The following SNTB2 variants were observed in gnomAD, a reference collection of about 807,000 sequenced individuals.
The protein encoded by SNTB2 is syntrophin beta 2, also known as beta-2-syntrophin.
Under a neutral mutation model 46.2 loss-of-function variants are expected in SNTB2, and 34 were observed. The observed-to-expected ratio is 0.74, with a 90% CI of 0.56 to 0.98. The LOEUF is 0.98. Among genes scored for constraint, SNTB2 ranks in the 50% least tolerant of loss-of-function variants. The pLI is 0.00. For missense variants in SNTB2, 603 were observed against 731.4 expected (o/e 0.82, Z 2.02); for synonymous variants, 290 against 312.6 (o/e 0.93, Z 0.76).
intron 2 of SNTB2, among the ~76,000 whole-genome samples, chr16:69,259,054 G>C (rs1964807259): frequency 6.6e-6 from 1 of 151,948 alleles, no homozygotes; most frequent in African/African-American, 2.4e-5. Flanking sequence ...GTGCCTATGT[G>C]GTTCAGCAAG....
At chr16:69,252,335 T>C (rs949388519) in intron 2 of SNTB2, among the ~76,000 whole-genome samples, 15 of 152,182 alleles carry the variant, frequency 9.9e-5, no homozygotes, top group African/African-American at 3.1e-4. Flanking sequence ...CTGGTAATTA[T>C]ACGTATTTCA....
intron 1 of SNTB2, among the ~76,000 whole-genome samples, chr16:69,237,064 A>G (rs1249535028): frequency 6.6e-6 from 1 of 152,172 alleles, no homozygotes; most frequent in African/African-American, 2.4e-5. Context: ...TTGTTTGGAT[A>G]TGTTGAATCT....
At chr16:69,206,427 C>T (rs976657263) in intron 1 of SNTB2, among the ~76,000 whole-genome samples, 2 of 152,042 alleles carry the variant, frequency 1.3e-5, no homozygotes, top group Admixed American at 6.5e-5. Flanking sequence ...CTAGGCCAGG[C>T]GCGGTGGCTC....
At chr16:69,231,294 A>G (rs1964503623) in intron 1 of SNTB2, among the ~76,000 whole-genome samples, 1 of 152,154 alleles carries the variant, frequency 6.6e-6, no homozygotes, top group South Asian at 2.1e-4. Flanking sequence ...TTGACTTTTA[A>G]AAAAGATGTG....
At chr16:69,213,391 A>C (rs1964308963) in intron 1 of SNTB2, among the ~76,000 whole-genome samples, 1 of 152,142 alleles carries the variant, frequency 6.6e-6, no homozygotes, top group African/African-American at 2.4e-5. Context: ...CAGTGGGTTG[A>C]TAATTGTCCA....
chr16:69,300,778 A>G, intron 6 of SNTB2, 54 bp from the exon 7 acceptor site: 1 of 1,131,170 alleles, frequency 8.8e-7, no homozygotes, highest in Non-Finnish European at 1.3e-6. Flanking sequence ...TTCGTTTATT[A>G]AGTTGTCTGT....
At chr16:69,286,871 G>A (rs1398369179) in intron 5 of SNTB2, among the ~76,000 whole-genome samples, 7 of 152,108 alleles carry the variant, frequency 4.6e-5, no homozygotes, top group Admixed American at 3.3e-4. Context: ...AACATAGTGA[G>A]ACCTTGTCTC....
At chr16:69,292,214 G>A (rs1036043520) in intron 5 of SNTB2, among the ~76,000 whole-genome samples, 1 of 149,834 alleles carries the variant, frequency 6.7e-6, no homozygotes, top group Admixed American at 6.7e-5. Context: ...TCCAGCCTGG[G>A]CGACAGAGCG....
intron 5 of SNTB2, among the ~76,000 whole-genome samples, chr16:69,292,835 T>G (rs1465247172): frequency 6.6e-6 from 1 of 151,946 alleles, no homozygotes; most frequent in African/African-American, 2.4e-5. Flanking sequence ...TAAATTACTA[T>G]CGGGGAGCTT....
chr16:69,206,662 G>T (rs575520036), intron 1 of SNTB2, among the ~76,000 whole-genome samples: 6 of 149,268 alleles, frequency 4.0e-5, no homozygotes, highest in Admixed American at 1.3e-4. Context: ...TTGCACTCCA[G>T]CCTGGGCAAC....
At chr16:69,246,994 T>C (rs1307560624) in intron 2 of SNTB2, among the ~76,000 whole-genome samples, 1 of 150,272 alleles carries the variant, frequency 6.7e-6, no homozygotes, top group African/African-American at 2.4e-5. Flanking sequence ...CACATGTATA[T>C]ATATGTAACT....
At chr16:69,250,960 G>C (rs979662631) in intron 2 of SNTB2, among the ~76,000 whole-genome samples, 5 of 151,460 alleles carry the variant, frequency 3.3e-5, no homozygotes, top group African/African-American at 1.2e-4. Context: ...TCTGTTAAAG[G>C]AAATATCCAT....
intron 2 of SNTB2, among the ~76,000 whole-genome samples, chr16:69,246,828 C>T (rs1434872114): frequency 2.1e-5 from 3 of 142,320 alleles, no homozygotes; most frequent in Non-Finnish European, 4.5e-5. Flanking sequence ...ATTTCTCACT[C>T]ATAGGTGGGA....
chr16:69,288,230 T>C (rs1965124722), intron 5 of SNTB2, among the ~76,000 whole-genome samples: 1 of 152,104 alleles, frequency 6.6e-6, no homozygotes, highest in Non-Finnish European at 1.5e-5. Flanking sequence ...GCAACTTGGA[T>C]TTTCAGCATT....
intron 5 of SNTB2, among the ~76,000 whole-genome samples, chr16:69,294,551 C>G (rs1186113221): frequency 6.6e-6 from 1 of 151,274 alleles, no homozygotes; most frequent in East Asian, 2.0e-4. Flanking sequence ...TGGCAAAACC[C>G]TATCTCTACT....
intron 5 of SNTB2, among the ~76,000 whole-genome samples, chr16:69,291,702 C>T (rs1187624785): frequency 6.6e-6 from 1 of 152,064 alleles, no homozygotes; most frequent in Non-Finnish European, 1.5e-5. Flanking sequence ...GAATGAGACC[C>T]TGTCTCTAAA....
intron 5 of SNTB2, among the ~76,000 whole-genome samples, chr16:69,294,217 T>C (rs111393108): frequency 2.0e-3 from 298 of 152,160 alleles, no homozygotes; most frequent in Non-Finnish European, 3.1e-3. Flanking sequence ...AGAATCTCAC[T>C]ATGTTGCCTA....
chr16:69,189,858 A>T (rs2152288049), intron 1 of SNTB2, among the ~76,000 whole-genome samples: 1 of 152,358 alleles, frequency 6.6e-6, no homozygotes, highest in Non-Finnish European at 1.5e-5. Context: ...TATTGGGCTA[A>T]AATAGGCCAC....
chr16:69,192,452 C>G (rs1003270308), intron 1 of SNTB2, among the ~76,000 whole-genome samples: 1 of 152,112 alleles, frequency 6.6e-6, no homozygotes, highest in African/African-American at 2.4e-5. Flanking sequence ...TACTGTTCAG[C>G]TTTGTTGTAA....
Sources: gnomAD v4.1 joint callset for allele counts (sites outside exome capture counted in the v4.1 genomes callset) on GRCh38, gnomAD v4.1.1 for gene constraint, MANE v1.5 for transcripts, NCBI Gene and HGNC (gene_info 2026-07-23, HGNC 2026-07-21) for gene names.